ACOT13: variants seen among roughly 807,000 people sequenced by gnomAD.
ACOT13 encodes the protein acyl-coenzyme A thioesterase 13.
In ACOT13, 10 loss-of-function variants were observed where a neutral mutation model predicts 11.8. The observed-to-expected ratio is 0.85, with a 90% confidence interval of 0.53 to 1.44. ACOT13 has a LOEUF of 1.44. Ranked by LOEUF, ACOT13 falls within the 40% of genes most tolerant of loss-of-function variation. The pLI, the probability that ACOT13 is intolerant of heterozygous loss-of-function variation, is 0.00. For missense variants in ACOT13, 172 were observed against 174.1 expected (o/e 0.99, Z 0.07); for synonymous variants, 53 against 61.0 (o/e 0.87, Z 0.61).
intron 1 of ACOT13, among the ~76,000 whole-genome samples, chr6:24,694,612 C>CCTACT (rs915078676): frequency 5.9e-5 from 9 of 152,134 alleles, no homozygotes; most frequent in Non-Finnish European, 1.3e-4. Flanking sequence ...AGGTTCTCTC[C>CCTACT]CTACTCCCCT....
At chr6:24,668,114 G>T (rs1475642403) in intron 1 of ACOT13, among the ~76,000 whole-genome samples, 1 of 151,792 alleles carries the variant, frequency 6.6e-6, no homozygotes, top group African/African-American at 2.4e-5. Context: ...CTCCATGTTG[G>T]TCAGGCTGCT....
At position 24,704,681 on chromosome 6, in the gene ACOT13, C is replaced by T. The variant is rs1778964131; in HGVS notation, c.*3066C>T. 6.6e-6 allele frequency: 1 copy of T among 152,156 alleles called. No homozygotes were observed. The highest frequency in any genetic ancestry group is 1.5e-5 in the Non-Finnish European group (1 of 68,022). The allele number at this position is 152,156 out of a possible 1,614,324, so 9.4% of individuals were successfully genotyped here. A position where few individuals can be genotyped will look rare whatever the true frequency, so the allele number is the denominator to read the frequency against. On this transcript the variant is annotated 3_prime_UTR_variant, in exon 3 of 3. Transcript: ENST00000230048. Reference sequence around the variant, plus strand: ...TTTCCCATGAAGCAAGGCATAAGGCCAGGTTGCTAACTGTTGAAAGCTGAC... The same window carrying T: ...TTTCCCATGAAGCAAGGCATAAGGCTAGGTTGCTAACTGTTGAAAGCTGAC...
At chr6:24,685,089 A>C (rs9467255) in intron 1 of ACOT13, among the ~76,000 whole-genome samples, 2,987 of 152,154 alleles carry the variant, frequency 0.02, 89 homozygotes, top group African/African-American at 0.064. Flanking sequence ...TGAATTTTAT[A>C]CTTACAGTAC....
chr6:24,698,809 T>C (rs1778841078), intron 2 of ACOT13, among the ~76,000 whole-genome samples: 1 of 152,046 alleles, frequency 6.6e-6, no homozygotes, highest in Admixed American at 6.6e-5. Flanking sequence ...GGCTAATTTT[T>C]GTGTTTTTAG....
At chr6:24,698,801 C>T (rs1180815423) in intron 2 of ACOT13, among the ~76,000 whole-genome samples, 1 of 152,040 alleles carries the variant, frequency 6.6e-6, no homozygotes, top group Non-Finnish European at 1.5e-5. Context: ...CCATGCTGGG[C>T]TAATTTTTGT....
In ACOT13 at chr6:24,682,349, A is replaced by G. The variant is rs543589772; in HGVS notation, c.81+15005A>G. ...CAAGATGGTTGTGGGCCACTTCCAC[A>G]ATGGTGGCAGGCCACTTCCAAGATG... On this transcript the variant is annotated intron_variant, in intron 1 of 2. Coordinates refer to ENST00000230048, the MANE Select transcript of ACOT13 (RefSeq NM_018473.4). Among the ~76,000 whole-genome samples, 381 of 152,270 alleles carry G rather than the reference A, an allele frequency of 2.5e-3. 2 individuals carry two copies. The highest frequency in any genetic ancestry group is 6.7e-3 in the Admixed American group (102 of 15,308).
chr6:24,685,726 G>A (rs1232666749), intron 1 of ACOT13, among the ~76,000 whole-genome samples: 1 of 151,660 alleles, frequency 6.6e-6, no homozygotes, highest in Non-Finnish European at 1.5e-5. Context: ...GAGGGACATT[G>A]GCAAAGTCTG....
chr6:24,686,639 TTCTC>T (rs752007861), intron 1 of ACOT13, among the ~76,000 whole-genome samples: 33 of 151,704 alleles, frequency 2.2e-4, no homozygotes, highest in Middle Eastern at 6.8e-3. Flanking sequence ...CTTTCACTCT[TTCTC>T]TCTTTCTTCT....
intron 1 of ACOT13, among the ~76,000 whole-genome samples, chr6:24,694,855 T>A (rs1426459881): frequency 6.6e-6 from 1 of 152,228 alleles, no homozygotes; most frequent in African/African-American, 2.4e-5. Flanking sequence ...ATTTTATTAG[T>A]ATGTCCTTTG....
intron 1 of ACOT13, among the ~76,000 whole-genome samples, chr6:24,676,149 A>C (rs1778450875): frequency 1.3e-5 from 2 of 152,226 alleles, no homozygotes; most frequent in African/African-American, 2.4e-5. Context: ...GTTTGAAGTC[A>C]GGTAGCGTGA....
chr6:24,694,416 T>C (rs62400783), intron 1 of ACOT13, among the ~76,000 whole-genome samples: 5,141 of 152,318 alleles, frequency 0.034, 90 homozygotes, highest in Non-Finnish European at 0.037. Flanking sequence ...GTTAAACTTT[T>C]CGACAGTTTC....
intron 1 of ACOT13, among the ~76,000 whole-genome samples, chr6:24,691,542 C>T (rs924828901): frequency 3.3e-5 from 5 of 152,086 alleles, no homozygotes; most frequent in South Asian, 2.1e-4. Flanking sequence ...CCACCCCCCA[C>T]CCTGCCCCAA....
intron 1 of ACOT13, among the ~76,000 whole-genome samples, chr6:24,694,722 G>A (rs1343973630): frequency 2.0e-5 from 3 of 152,082 alleles, no homozygotes; most frequent in Non-Finnish European, 2.9e-5. Context: ...ATCATCTTCC[G>A]TTGGTTTAAT....
chr6:24,696,402 A>C (rs1210677012), intron 1 of ACOT13, among the ~76,000 whole-genome samples: 1 of 152,226 alleles, frequency 6.6e-6, no homozygotes, highest in Non-Finnish European at 1.5e-5. Context: ...TCTGAATTTA[A>C]GTTCTCTGCA....
intron 1 of ACOT13, among the ~76,000 whole-genome samples, chr6:24,678,126 T>A (rs944104746): frequency 6.6e-6 from 1 of 152,174 alleles, no homozygotes; most frequent in Non-Finnish European, 1.5e-5. Context: ...AGATGGGCGC[T>A]ATGCTTGAAC....
intron 1 of ACOT13, chr6:24,687,703 GAAT>G: frequency 8.9e-7 from 1 of 1,123,228 alleles, no homozygotes; most frequent in East Asian, 2.9e-5. Flanking sequence ...GGTAAGAATA[GAAT>G]TTTTTTTTTT....
At chr6:24,669,011 T>C (rs1778312595) in intron 1 of ACOT13, among the ~76,000 whole-genome samples, 1 of 152,164 alleles carries the variant, frequency 6.6e-6, no homozygotes, top group African/African-American at 2.4e-5. Flanking sequence ...AGCCCTAGGT[T>C]CCCTGCCTCC....
At chr6:24,670,530 T>A (rs1778343470) in intron 1 of ACOT13, among the ~76,000 whole-genome samples, 1 of 152,218 alleles carries the variant, frequency 6.6e-6, no homozygotes, top group Non-Finnish European at 1.5e-5. Context: ...AAGTACACCT[T>A]TCCACTCAAA....
intron 1 of ACOT13, among the ~76,000 whole-genome samples, chr6:24,677,539 G>A (rs1427141145): frequency 4.6e-5 from 7 of 152,206 alleles, no homozygotes; most frequent in Non-Finnish European, 8.8e-5. Flanking sequence ...GCCACAGGTT[G>A]CAAGCTGGTC....
Sources: allele counts gnomAD v4.1 joint callset (sites outside exome capture counted in the v4.1 genomes callset), GRCh38; gene constraint gnomAD v4.1.1; transcripts MANE v1.5; gene names NCBI Gene and HGNC (gene_info 2026-07-23, HGNC 2026-07-21).